Variants in CEP85L observed in about 807,000 individuals in gnomAD.
CEP85L encodes centrosomal protein 85L.
A neutral mutation model predicts 100.3 loss-of-function variants in CEP85L; 60 were observed. The observed-to-expected ratio is 0.60, with a 90% CI of 0.49 to 0.74. The LOEUF (loss-of-function observed/expected upper bound fraction) is 0.74, where lower values mean the gene tolerates loss of function less well. CEP85L is among the 30% of genes least tolerant of loss of function. The pLI, the probability that CEP85L is intolerant of heterozygous loss-of-function variation, is 0.00. For synonymous variants in CEP85L, 319 were observed against 322.7 expected (o/e 0.99, Z 0.12); for missense variants, 973 against 936.2 (o/e 1.04, Z -0.51).
chr6:118,529,065 G>T (rs74687451), intron 3 of CEP85L, among the ~76,000 whole-genome samples: 1 of 152,102 alleles, frequency 6.6e-6, no homozygotes, highest in East Asian at 1.9e-4. Context: ...TATCTACCCC[G>T]GAACCATTTA....
chr6:118,538,254 CTAAT>C (rs999764756), intron 3 of CEP85L, among the ~76,000 whole-genome samples: 1 of 151,894 alleles, frequency 6.6e-6, no homozygotes, highest in African/African-American at 2.4e-5. Context: ...TTTTAATAAT[CTAAT>C]TATTTCTTCA....
At chr6:118,566,370 G>T in intron 2 of CEP85L, 54 bp from the exon 3 acceptor site, 1 of 1,400,540 alleles carries the variant, frequency 7.1e-7, no homozygotes, top group South Asian at 1.3e-5. Flanking sequence ...AAAAGAGAAT[G>T]AGGTAAAATG....
At chr6:118,570,370 A>G (rs1477407531) in intron 2 of CEP85L, among the ~76,000 whole-genome samples, 1 of 152,196 alleles carries the variant, frequency 6.6e-6, no homozygotes, top group East Asian at 1.9e-4. Context: ...TCCATATCAC[A>G]GCGGAATCCT....
At position 118,500,046 on chromosome 6, in the gene CEP85L, A is replaced by G. The variant is rs555963064; in HGVS notation, c.1258-8181T>C. 1.8e-4 allele frequency among the ~76,000 whole-genome samples: 27 copies of G among 152,304 alleles called. No homozygotes were observed. The South Asian group carries it at 5.6e-3, about 32-fold the overall frequency. On this transcript the variant is annotated intron_variant, in intron 5 of 12. Coordinates refer to ENST00000368491, the MANE Select transcript of CEP85L (RefSeq NM_001042475.3). ...CTAGGTGCAGTGGCTCATGACTGTT[A>G]TCCCAGCACCTTGGAAGGCCAAGGC...
Position 118,461,304 on chromosome 6 carries a change from C to T in CEP85L, c.*4101G>A, listed in dbSNP as rs1180555561. 6.6e-6 allele frequency: 1 copy of T among 151,932 alleles called. No individual in the cohort carries two copies. Among genetic ancestry groups the T allele is most frequent in the East Asian group, 1.9e-4 (1 of 5,180 alleles). The allele number at this position is 151,932 out of a possible 1,614,324, so 9.4% of individuals were successfully genotyped here. A position where few individuals can be genotyped will look rare whatever the true frequency, so the allele number is the denominator to read the frequency against. On this transcript the variant is annotated 3_prime_UTR_variant, in exon 13 of 13. Transcript: ENST00000368491. ...CAATGAATACAATCTAAAGGAGTTT[C>T]CAGCTCACTACACAGGGAAGGCTGG...
chr6:118,613,152 A>G (rs1772765177), intron 2 of CEP85L, among the ~76,000 whole-genome samples: 1 of 152,086 alleles, frequency 6.6e-6, no homozygotes, highest in Admixed American at 6.6e-5. Context: ...CAGAGGTTGC[A>G]GTGAGCCGAG....
chr6:118,529,912 T>C (rs1731660216), intron 3 of CEP85L, among the ~76,000 whole-genome samples: 2 of 152,138 alleles, frequency 1.3e-5, no homozygotes, highest in Non-Finnish European at 2.9e-5. Context: ...TTTTGTTTTA[T>C]TATAGACCAG....
At chr6:118,618,565 A>T (rs990819525) in intron 2 of CEP85L, among the ~76,000 whole-genome samples, 9 of 152,110 alleles carry the variant, frequency 5.9e-5, no homozygotes, top group Admixed American at 1.3e-4. Flanking sequence ...GTGTATGGGT[A>T]CGGCCCTTAG....
At chr6:118,541,462 T>C (rs1041728306) in intron 3 of CEP85L, among the ~76,000 whole-genome samples, 12 of 152,244 alleles carry the variant, frequency 7.9e-5, no homozygotes, top group African/African-American at 2.9e-4. Flanking sequence ...TTTTTACATC[T>C]TTTGCTTTAT....
intron 2 of CEP85L, among the ~76,000 whole-genome samples, chr6:118,616,179 G>A (rs113573933): frequency 6.6e-6 from 1 of 152,064 alleles, no homozygotes; most frequent in African/African-American, 2.4e-5. Flanking sequence ...GACATAAAAA[G>A]CACAAACCAT....
intron 2 of CEP85L, among the ~76,000 whole-genome samples, chr6:118,622,158 T>C (rs2115279464): frequency 6.6e-6 from 1 of 152,302 alleles, no homozygotes; most frequent in Middle Eastern, 3.4e-3. Flanking sequence ...GCAGCGGCCA[T>C]CTTAGTATCA....
chr6:118,614,109 C>G (rs1037468322), intron 2 of CEP85L, among the ~76,000 whole-genome samples: 46 of 152,132 alleles, frequency 3.0e-4, no homozygotes, highest in African/African-American at 1.1e-3. Context: ...ACCACCATAT[C>G]AACAAACTAA....
intron 1 of CEP85L, among the ~76,000 whole-genome samples, chr6:118,708,395 A>G (rs1331364165): frequency 6.6e-6 from 1 of 152,260 alleles, no homozygotes; most frequent in East Asian, 1.9e-4. Flanking sequence ...GTGGTCCAGG[A>G]TAGCTGAACA....
intron 2 of CEP85L, among the ~76,000 whole-genome samples, chr6:118,630,169 A>T (rs1473387028): frequency 3.3e-5 from 5 of 152,220 alleles, no homozygotes; most frequent in Middle Eastern, 3.2e-3. Context: ...TTTACATATG[A>T]GTAAACCTAA....
rs191709044 is a variant in CEP85L, at chr6:118,676,322, C to T, written c.-27-23514G>A. 4.0e-3 allele frequency among the ~76,000 whole-genome samples: 606 copies of T among 152,288 alleles called. 6 individuals are homozygous for T. The highest frequency in any genetic ancestry group is 0.014 in the African/African-American group (582 of 41,562). The stretch of plus-strand genomic sequence containing the variant: ...TATGTACCCTTTGACCAACATCTCT[C>T]CTTTTCCCAACCCTACCCTCATCCC... On this transcript the variant is annotated intron_variant, in intron 1 of 13. Coordinates refer to the CEP85L transcript ENST00000368488.
At chr6:118,645,875 A>G (rs561422072) in intron 1 of CEP85L, among the ~76,000 whole-genome samples, 1 of 152,360 alleles carries the variant, frequency 6.6e-6, no homozygotes, top group Non-Finnish European at 1.5e-5. Context: ...TATGCTAGGT[A>G]ACCATTTTTT....
Position 118,613,188 on chromosome 6 carries a change from G to A in CEP85L, c.232+19265C>T, listed in dbSNP as rs139923483. Among the ~76,000 whole-genome samples, 1,176 of 152,054 alleles carry A rather than the reference G, an allele frequency of 7.7e-3. 15 individuals carry two copies. The highest frequency in any genetic ancestry group is 0.044 in the Middle Eastern group (13 of 294). The stretch of plus-strand genomic sequence containing the variant: ...ATCGCGCCACTGTACTCCAGCCTGG[G>A]CAACAAGAGCAAAACTCCGTCTCGA... On this transcript the variant is annotated intron_variant, in intron 2 of 12. Coordinates refer to ENST00000368491, the MANE Select transcript of CEP85L (RefSeq NM_001042475.3).
chr6:118,528,990 G>C (rs924300563), intron 3 of CEP85L, among the ~76,000 whole-genome samples: 1 of 152,134 alleles, frequency 6.6e-6, no homozygotes, highest in Admixed American at 6.5e-5. Context: ...TCTTGACAGA[G>C]CTAAAAGAAA....
intron 3 of CEP85L, among the ~76,000 whole-genome samples, chr6:118,529,628 A>T (rs910236217): frequency 3.5e-5 from 5 of 141,292 alleles, no homozygotes; most frequent in African/African-American, 1.3e-4. Flanking sequence ...AAAAAAAAAA[A>T]AAAAAAAATT....
Sources: gnomAD v4.1 joint callset for allele counts (sites outside exome capture counted in the v4.1 genomes callset) on GRCh38, gnomAD v4.1.1 for gene constraint, MANE v1.5 for transcripts, NCBI Gene and HGNC (gene_info 2026-07-23, HGNC 2026-07-21) for gene names.